The following PIAS1 variants were observed in gnomAD, a reference collection of about 807,000 sequenced individuals.
PIAS1 encodes protein inhibitor of activated STAT 1.
A neutral mutation model predicts 71.3 loss-of-function variants in PIAS1; 6 were observed. That is an observed-to-expected ratio of 0.08 (90% CI 0.05 to 0.17). The LOEUF (loss-of-function observed/expected upper bound fraction) is 0.17, where lower values mean the gene tolerates loss of function less well. PIAS1 is among the 10% of genes least tolerant of loss of function. The pLI, the probability that PIAS1 is intolerant of heterozygous loss-of-function variation, is 1.00. For synonymous variants in PIAS1, 303 were observed against 292.9 expected (o/e 1.03, Z -0.35); for missense variants, 555 against 793.6 (o/e 0.70, Z 3.61).
chr15:68,087,756 T>C (rs2092296286), intron 2 of PIAS1: 5 of 321,960 alleles, frequency 1.6e-5, no homozygotes, highest in South Asian at 1.2e-4. Context: ...TGAGAACATT[T>C]TTTGCGAATT....
chr15:68,080,202 TGTG>T (rs1443501923), intron 1 of PIAS1, among the ~76,000 whole-genome samples: 4 of 152,310 alleles, frequency 2.6e-5, no homozygotes, highest in Non-Finnish European at 2.9e-5. Flanking sequence ...TTTCATGAAA[TGTG>T]GTAGTATATA....
chr15:68,162,425 T>G (rs2092930247), intron 7 of PIAS1, among the ~76,000 whole-genome samples: 1 of 151,958 alleles, frequency 6.6e-6, no homozygotes, highest in South Asian at 2.1e-4. Flanking sequence ...GAGTGGTTAT[T>G]AGTCAGGGTT....
At chr15:68,119,668 A>C (rs573092328) in intron 2 of PIAS1, among the ~76,000 whole-genome samples, 3 of 152,254 alleles carry the variant, frequency 2.0e-5, no homozygotes, top group East Asian at 1.9e-4. Context: ...GTGTTCTATA[A>C]ATTTCAAAGA....
rs1241473661 is a variant in PIAS1 at position 68,185,237 on chromosome 15, C to T, written c.1662+1570C>T. Among the ~76,000 whole-genome samples the T allele has an allele frequency of 1.3e-5, 2 of 152,108 alleles. No individual in the cohort carries two copies. Among genetic ancestry groups the T allele is most frequent in the African/African-American group, 2.4e-5 (1 of 41,414 alleles). ...CCAGGCTATTGCTGCAACTGAAAAACACCGAGAGGACACTGATGCAATTCT... is the reference window on the plus strand; with the variant it reads ...CCAGGCTATTGCTGCAACTGAAAAATACCGAGAGGACACTGATGCAATTCT... On this transcript the variant is annotated intron_variant, in intron 13 of 13. Transcript: ENST00000249636. This position sits in a 1 kb window ranked among gnomAD's most constrained non-coding sequence, Gnocchi z 4.4.
At chr15:68,104,903 ATAAT>A (rs1392645729) in intron 2 of PIAS1, among the ~76,000 whole-genome samples, 1 of 152,210 alleles carries the variant, frequency 6.6e-6, no homozygotes, top group Non-Finnish European at 1.5e-5. Context: ...AATAGGTACA[ATAAT>A]TAAAGTTATG....
At chr15:68,104,625 T>C (rs948014382) in intron 2 of PIAS1, among the ~76,000 whole-genome samples, 9 of 152,254 alleles carry the variant, frequency 5.9e-5, no homozygotes, top group South Asian at 2.1e-4. Flanking sequence ...TGATGGTGGT[T>C]ACCAGAGGGA....
rs1463910798 is a variant in PIAS1 at position 68,190,208 on chromosome 15, T to C, written c.*2373T>C. ...GAGAAGAACAGGTAATAGGGAGAAA[T>C]AAACATACGGTGGTTTCAGTGGTTT... On this transcript the variant is annotated 3_prime_UTR_variant, in exon 14 of 14. Coordinates refer to ENST00000249636, the MANE Select transcript of PIAS1 (RefSeq NM_016166.3). This position sits in a 1 kb window ranked among gnomAD's most constrained non-coding sequence, Gnocchi z 4.7. 1 of 152,182 alleles carries C rather than the reference T, an allele frequency of 6.6e-6. No homozygotes were observed. Among genetic ancestry groups the C allele is most frequent in the Non-Finnish European group, 1.5e-5 (1 of 68,026 alleles). The allele number at this position is 152,182 out of a possible 1,614,324, so 9.4% of individuals were successfully genotyped here. A position where few individuals can be genotyped will look rare whatever the true frequency, so the allele number is the denominator to read the frequency against.
At chr15:68,088,176 G>GTATATATA (rs71455574) in intron 2 of PIAS1, among the ~76,000 whole-genome samples, 1,198 of 72,970 alleles carry the variant, frequency 0.016, 77 homozygotes, top group Admixed American at 0.087. Flanking sequence ...TTATGTGTGT[G>GTATATATA]TATATATATA....
intron 8 of PIAS1, among the ~76,000 whole-genome samples, chr15:68,170,543 G>A (rs542126322): frequency 6.6e-6 from 1 of 152,260 alleles, no homozygotes; most frequent in African/African-American, 2.4e-5. Context: ...TGAAGGTCTA[G>A]GACATCACTT....
chr15:68,084,020 C>T (rs1265824922), intron 1 of PIAS1, among the ~76,000 whole-genome samples: 2 of 152,050 alleles, frequency 1.3e-5, no homozygotes, highest in Non-Finnish European at 2.9e-5. Context: ...ATTGTTGTGT[C>T]ATAAACTTTT....
intron 2 of PIAS1, among the ~76,000 whole-genome samples, chr15:68,118,198 G>A (rs1242783190): frequency 1.3e-5 from 2 of 151,992 alleles, no homozygotes; most frequent in Non-Finnish European, 2.9e-5. Flanking sequence ...GTGTGCACCT[G>A]TAGTCCCAGC....
intron 1 of PIAS1, among the ~76,000 whole-genome samples, chr15:68,062,111 T>G (rs2091965796): frequency 6.6e-6 from 1 of 152,240 alleles, no homozygotes; most frequent in Non-Finnish European, 1.5e-5. Flanking sequence ...TCGCTCTTTT[T>G]TCTTGCTGCT....
rs778860302 is a variant in PIAS1 at position 68,189,027 on chromosome 15, T to G, written c.*1192T>G. The G allele has an allele frequency of 1.1e-4, 16 of 152,264 alleles. No homozygotes were observed. The highest frequency in any genetic ancestry group is 2.7e-4 in the African/African-American group (11 of 41,470). 9.4% of individuals were successfully genotyped at this position (152,264 alleles called of 1,614,324 possible). A position where few individuals can be genotyped will look rare whatever the true frequency, so the allele number is the denominator to read the frequency against. On this transcript the variant is annotated 3_prime_UTR_variant, in exon 14 of 14. Transcript: ENST00000249636. The stretch of plus-strand genomic sequence containing the variant: ...AGATGTGTTTGACCCTTAGTCATTT[T>G]TACTCTTTGGTTCTGAGTATACCTA...
chr15:68,181,213 A>G lies in PIAS1; in HGVS notation c.1483A>G (p.Ile495Val). The G allele has an allele frequency of 1.2e-6, 2 of 1,612,898 alleles. No homozygotes were observed. The highest frequency in any genetic ancestry group is 1.7e-6 in the Non-Finnish European group (2 of 1,179,306). The change falls in exon 12 of 14, where the codon ATT (isoleucine) becomes GTT (valine). Residue 495 changes from isoleucine (I) to valine (V), a missense_variant and splice_region_variant. By Grantham distance (29) the Ile-to-Val change is conservative. This residue lies in a region of PIAS1 where 244 missense variants were observed against 307.5 expected (regional missense o/e 0.79). Coordinates refer to ENST00000249636, the MANE Select transcript of PIAS1 (RefSeq NM_016166.3). ...TATGCCAATCTTTCCTTCTTCCAGC[A>G]TTTTAAGTCTTCCACATCAAGCATC... is the stretch of plus-strand genomic sequence containing the variant. ...SPTSPLNNKG[I>V]LSLPHQASPV...
intron 1 of PIAS1, among the ~76,000 whole-genome samples, chr15:68,069,803 CA>C (rs56693841): frequency 0.067 from 6,835 of 101,360 alleles, 131 homozygotes; most frequent in African/African-American, 0.11. Flanking sequence ...GACTCCGTCT[CA>C]AAAAAAAAAA....
chr15:68,158,557 G>A (rs2092905686), intron 7 of PIAS1, among the ~76,000 whole-genome samples: 1 of 152,026 alleles, frequency 6.6e-6, no homozygotes, highest in Non-Finnish European at 1.5e-5. Context: ...CTTTGGAGGA[G>A]GAATTTAATC....
At chr15:68,175,878 A>C (rs1037431542) in intron 10 of PIAS1, 111 bp downstream of exon 10, 59 of 584,182 alleles carry the variant, frequency 1.0e-4, no homozygotes, top group Non-Finnish European at 2.6e-5. Context: ...TGGATAGCTT[A>C]ATAATTCCTA....
intron 1 of PIAS1, among the ~76,000 whole-genome samples, chr15:68,058,877 A>G (rs775652877): frequency 5.9e-5 from 9 of 152,180 alleles, no homozygotes; most frequent in Non-Finnish European, 1.0e-4. Context: ...AAAAGATACA[A>G]CACTGTTTTT....
At chr15:68,157,295 C>T (rs1317922958) in intron 7 of PIAS1, among the ~76,000 whole-genome samples, 1 of 152,184 alleles carries the variant, frequency 6.6e-6, no homozygotes, top group Non-Finnish European at 1.5e-5. Context: ...TTCAGTTCCT[C>T]TCTGTCTGCA....
Sources: gnomAD v4.1 joint callset for allele counts (sites outside exome capture counted in the v4.1 genomes callset) on GRCh38, gnomAD v4.1.1 for gene constraint, gnomAD v4.1.1 regional missense constraint, Gnocchi (gnomAD v3.1) non-coding constraint, MANE v1.5 for transcripts, NCBI Gene and HGNC (gene_info 2026-07-23, HGNC 2026-07-21) for gene names.